The following TOR2A variants were observed in gnomAD, a reference collection of about 807,000 sequenced individuals.
TOR2A encodes prosalusin.
Under a neutral mutation model 28.6 loss-of-function variants are expected in TOR2A, and 24 were observed. That is an observed-to-expected ratio of 0.84 (90% CI 0.61 to 1.18). The LOEUF (loss-of-function observed/expected upper bound fraction) is 1.18, where lower values mean the gene tolerates loss of function less well. Ranked by LOEUF, TOR2A falls within the 50% of genes most tolerant of loss-of-function variation. The pLI, the probability that TOR2A is intolerant of heterozygous loss-of-function variation, is 0.00. For missense variants in TOR2A, 426 were observed against 448.1 expected, an observed-to-expected ratio of 0.95 and a Z score of 0.45; for synonymous variants, 203 against 203.1, an observed-to-expected ratio of 1.00 and a Z score of 0.00.
In TOR2A at chr9:127,732,195, G is replaced by A. The variant is rs1023005480; in HGVS notation, c.805C>T (p.Arg269Trp). Residue 269 changes from arginine (R) to tryptophan (W), a missense_variant, in exon 5 of 5, where the codon CGG becomes TGG. Transcript: ENST00000373284. ...PFLPLQRHHV[R>W]HCVLNELAQL... ...GCCAGCTCGTTGAGCACGCAGTGCC[G>A]GACGTGGTGCCGCTGGAGCGGGAGG... 25 of 1,612,574 alleles carry A rather than the reference G, an allele frequency of 1.6e-5. No individual in the cohort carries two copies. The highest frequency in any genetic ancestry group is 1.0e-4 in the Admixed American group (6 of 59,982).
Position 127,732,207 on chromosome 9 carries a change from G to A in TOR2A, c.793C>T (p.Arg265Trp), listed in dbSNP as rs114990094. The part of the protein sequence containing the change: ...DAVVPFLPLQ[R>W]HHVRHCVLNE... ...AGCACGCAGTGCCGGACGTGGTGCC[G>A]CTGGAGCGGGAGGAAGGGCACCACT... Residue 265 changes from arginine to tryptophan, a missense_variant, in exon 5 of 5, where the codon CGG becomes TGG. Transcript: ENST00000373284. The A allele has an allele frequency of 0.016, 25,034 of 1,611,900 alleles. 253 individuals carry two copies. Among genetic ancestry groups the A allele is most frequent in the African/African-American group, 0.034 (2,515 of 75,010 alleles).
At chr9:127,734,963 C>T in intron 1 of TOR2A, 157 bp downstream of exon 1, 1 of 1,140,478 alleles carries the variant, frequency 8.8e-7, no homozygotes. Context: ...TCAACGGGTA[C>T]CCTCCACCCT....
At position 127,733,546 on chromosome 9, in the gene TOR2A, G is replaced by C; in HGVS notation, c.432C>G (p.Ser144Arg). The change falls in exon 3 of 5, where the codon AGC becomes AGG. Residue 144 changes from serine to arginine, a missense_variant. Transcript: ENST00000373284. ...AGGCAGTGAGGTTCCCTTGGACCCA[G>C]CTCTTCAGATCCTTCTGTAGGGGAG... is the stretch of plus-strand genomic sequence containing the variant. ...HIERYKKDLK[S>R]WVQGNLTACG... 1.2e-6 allele frequency: 2 copies of C among 1,612,364 alleles called. No individual in the cohort carries two copies. The highest frequency in any genetic ancestry group is 1.3e-5 in the African/African-American group (1 of 75,036).
intron 2 of TOR2A, 58 bp downstream of exon 2, chr9:127,734,241 T>C: frequency 1.3e-6 from 2 of 1,510,668 alleles, no homozygotes; most frequent in Non-Finnish European, 1.8e-6. Flanking sequence ...GCTCAGGACT[T>C]ACTCCCTAGG....
intron 1 of TOR2A, 75 bp downstream of exon 1, chr9:127,735,045 G>A: frequency 7.3e-7 from 1 of 1,361,700 alleles, no homozygotes; most frequent in Non-Finnish European, 9.4e-7. Context: ...CGCCAGCCGG[G>A]CTCCCAGGGC....
chr9:127,732,402 G>T, intron 4 of TOR2A, 124 bp from the exon 5 acceptor site: 1 of 1,455,706 alleles, frequency 6.9e-7, no homozygotes, highest in Non-Finnish European at 9.0e-7. Context: ...TCTGGGTGTA[G>T]GACTCAGGGG....
In TOR2A at chr9:127,735,235, G is replaced by T; in HGVS notation, c.36C>A (p.Gly12=). The T allele has an allele frequency of 7.0e-7, 1 of 1,438,384 alleles. No homozygotes were observed. The highest frequency in any genetic ancestry group is 1.4e-5 in the South Asian group (1 of 71,814). 89.1% of individuals were successfully genotyped at this position (1,438,384 alleles called of 1,614,324 possible). Residue 12 remains glycine, a synonymous_variant, in exon 1 of 5, where the codon GGC becomes GGA. Coordinates refer to ENST00000373284, the MANE Select transcript of TOR2A (RefSeq NM_001085347.3). Reference sequence around the variant, plus strand: ...CCAGCCCGAGCAGCCCGAGGAGCGAGCCCCAGGGCCGGCAGCCGCGCGTCG... The same window carrying T: ...CCAGCCCGAGCAGCCCGAGGAGCGATCCCCAGGGCCGGCAGCCGCGCGTCG... The part of the protein sequence containing the change: ...AAATRGCRPW[G]SLLGLLGLVS...
Position 127,733,348 on chromosome 9 carries a change from GC to G in TOR2A, c.593+36del, listed in dbSNP as rs762063830. ...TGTAGAGCTGAACCTCTGAGAAGTGGCCCCCCCACTGTGCCCACTGCAAAGC... is the reference window on the plus strand; with the variant it reads ...TGTAGAGCTGAACCTCTGAGAAGTGGCCCCCCACTGTGCCCACTGCAAAGC... On this transcript the variant is annotated intron_variant, in intron 3 of 4. Transcript: ENST00000373284. 2.2e-5 allele frequency: 35 copies of G among 1,613,406 alleles called. No individual in the cohort carries two copies. In the Middle Eastern group the frequency reaches 9.9e-4, roughly 45 times the overall value.
rs777227982 is a variant in TOR2A, at chr9:127,732,240, G to C, written c.760C>G (p.Leu254Val). ...GGGAGGAAGGGCACCACTGCGTCTAGGAGGCGCTCTTCCATGATGCCCGAG... is the reference window on the plus strand; with the variant it reads ...GGGAGGAAGGGCACCACTGCGTCTACGAGGCGCTCTTCCATGATGCCCGAG... ...SNSGIMEERL[L>V]DAVVPFLPLQ... Residue 254 changes from leucine to valine, a missense_variant, in exon 5 of 5, where the codon CTA (leucine) becomes GTA (valine). By Grantham distance (32) the Leu-to-Val change is conservative (BLOSUM62 1). Transcript: ENST00000373284. The C allele has an allele frequency of 6.3e-7, 1 of 1,597,274 alleles. No homozygotes were observed. The highest frequency in any genetic ancestry group is 8.6e-7 in the Non-Finnish European group (1 of 1,169,030).
rs548368375 is a variant in TOR2A, at chr9:127,732,650, G to A, written c.635C>T (p.Ala212Val). The change falls in exon 4 of 5, where the codon GCG (alanine) becomes GTG (valine). Residue 212 changes from alanine to valine, a missense_variant. Ala to Val is a moderately conservative substitution (Grantham distance 64, BLOSUM62 0). Transcript: ENST00000373284. ...GKQINQVALE[A>V]WRSRRDREEI... The stretch of plus-strand genomic sequence containing the variant: ...CTCGCGGTCCCGCCGGCTGCGCCAC[G>A]CCTCCAATGCCACCTGGTTGATCTG... 142 of 1,570,166 alleles carry A rather than the reference G, an allele frequency of 9.0e-5. No individual in the cohort carries two copies. The highest frequency in any genetic ancestry group is 5.8e-5 in the Non-Finnish European group (67 of 1,158,378).
intron 2 of TOR2A, chr9:127,733,776 GCCTCCCA>G: frequency 1.7e-6 from 1 of 576,124 alleles, no homozygotes; most frequent in South Asian, 2.2e-5. Context: ...TCAAACCCAA[GCCTCCCA>G]CTTCCCTGTT....
intron 1 of TOR2A, chr9:127,734,874 T>G: frequency 1.7e-6 from 1 of 581,120 alleles, no homozygotes; most frequent in Non-Finnish European, 2.7e-6. Flanking sequence ...GGCCAGGCCA[T>G]TCCGGGGAGG....
chr9:127,733,553 A>C lies in TOR2A; in HGVS notation c.425T>G (p.Leu142Arg). ...GAGGTTCCCTTGGACCCAGCTCTTC[A>C]GATCCTTCTGTAGGGGAGAGACAGG... ...PSHIERYKKD[L>R]KSWVQGNLTA... Residue 142 changes from leucine (L) to arginine (R), a missense_variant, in exon 3 of 5, where the codon CTG (leucine) becomes CGG (arginine). Transcript: ENST00000373284. 1 of 1,611,362 alleles carries C rather than the reference A, an allele frequency of 6.2e-7. No homozygotes were observed. The highest frequency in any genetic ancestry group is 1.8e-4 in the Middle Eastern group (1 of 5,538).
intron 1 of TOR2A, 175 bp from the exon 2 acceptor site, chr9:127,734,739 A>AGATC: frequency 1.3e-6 from 1 of 761,402 alleles, no homozygotes; most frequent in Admixed American, 4.0e-5. Context: ...TTCGGGCCTG[A>AGATC]TTCAGCTCGG....
In TOR2A at chr9:127,734,830, C is replaced by G. The variant is rs1844619271; in HGVS notation, c.152-266G>C. On this transcript the variant is annotated intron_variant, in intron 1 of 4. Coordinates refer to ENST00000373284, the MANE Select transcript of TOR2A (RefSeq NM_001085347.3). ...CAACGGGGTCAGCCGCAGACCCCGCCCATCCCCAAGGCGCACTGCACTTCT... is the reference window on the plus strand; with the variant it reads ...CAACGGGGTCAGCCGCAGACCCCGCGCATCCCCAAGGCGCACTGCACTTCT... 2.1e-5 allele frequency: 11 copies of G among 521,616 alleles called. 1 individual carries two copies. The South Asian group carries it at 4.5e-4, about 21-fold the overall frequency. The allele number at this position is 521,616 out of a possible 1,614,324, so 32.3% of individuals were successfully genotyped here. A position where few individuals can be genotyped will look rare whatever the true frequency, so the allele number is the denominator to read the frequency against.
rs752309151 is a variant in TOR2A at position 127,732,234 on chromosome 9, C to T, written c.766G>A (p.Ala256Thr). 18 of 1,604,322 alleles carry T rather than the reference C, an allele frequency of 1.1e-5. No individual in the cohort carries two copies. The highest frequency in any genetic ancestry group is 6.7e-5 in the East Asian group (3 of 44,682). The change falls in exon 5 of 5, where the codon GCA (alanine) becomes ACA (threonine). Residue 256 changes from alanine to threonine, a missense_variant. Coordinates refer to ENST00000373284, the MANE Select transcript of TOR2A (RefSeq NM_001085347.3). ...TGGAGCGGGAGGAAGGGCACCACTG[C>T]GTCTAGGAGGCGCTCTTCCATGATG... is the stretch of plus-strand genomic sequence containing the variant. The part of the protein sequence containing the change: ...SGIMEERLLD[A>T]VVPFLPLQRH...
At chr9:127,732,542 G>C (rs745722125) in intron 4 of TOR2A, 22 bp downstream of exon 4, 1 of 1,566,884 alleles carries the variant, frequency 6.4e-7, no homozygotes, top group Non-Finnish European at 8.6e-7. Context: ...TGCCCGGGAG[G>C]GGGCTGCTGA....
intron 3 of TOR2A, 104 bp downstream of exon 3, chr9:127,733,281 G>A (rs1844541069): frequency 6.2e-7 from 1 of 1,613,254 alleles, no homozygotes; most frequent in South Asian, 1.1e-5. Context: ...GCCCAGCTAA[G>A]CCCATGGGGA....
At chr9:127,734,729 TTCGG>T in intron 1 of TOR2A, 165 bp from the exon 2 acceptor site, 1 of 840,690 alleles carries the variant, frequency 1.2e-6, no homozygotes, top group South Asian at 3.1e-5. Flanking sequence ...AAGAGCCACC[TTCGG>T]GCCTGATTCA....
Sources: gnomAD v4.1 joint callset for allele counts on GRCh38, gnomAD v4.1.1 for gene constraint, MANE v1.5 for transcripts, NCBI Gene and HGNC (gene_info 2026-07-23, HGNC 2026-07-21) for gene names.